Variants in PLAAT2 observed in about 807,000 individuals in gnomAD.
The protein encoded by PLAAT2 is phospholipase A and acyltransferase 2.
Under a neutral mutation model 12.8 loss-of-function variants are expected in PLAAT2, and 12 were observed. The ratio of observed to expected loss-of-function variants is 0.94; its 90% confidence interval spans 0.60 to 1.52. The LOEUF (loss-of-function observed/expected upper bound fraction) is 1.52. Among genes scored for constraint, PLAAT2 ranks in the 40% most tolerant of loss-of-function variants. The probability of loss-of-function intolerance (pLI) is 0.00; values close to 1 mark genes in which losing one functional copy is unlikely to be tolerated. For missense variants in PLAAT2, 166 were observed against 208.1 expected (o/e 0.80, Z 1.24); for synonymous variants, 79 against 86.8 (o/e 0.91, Z 0.50).
intron 3 of PLAAT2, among the ~76,000 whole-genome samples, chr11:63,553,479 A>C (rs2017436815): frequency 6.6e-6 from 1 of 151,090 alleles, no homozygotes; most frequent in Non-Finnish European, 1.5e-5. Flanking sequence ...CATCTCTACA[A>C]AAAAATACAA....
In PLAAT2 at chr11:63,560,151, G is replaced by A. The variant is rs114919859; in HGVS notation, c.52C>T (p.Arg18Cys). Residue 18 changes from arginine (R) to cysteine (C), a missense_variant, in exon 2 of 4, where the codon CGC becomes TGC. By Grantham distance (180) the Arg-to-Cys change is radical. Transcript: ENST00000255695. The part of the protein sequence containing the change: ...PRLGDLIEIS[R>C]FGYAHWAIYV... ...ATGGCCCAGTGTGCATAGCCAAAGC[G>A]AGAAATCTCAATCAGGTCTCCAAGT... The A allele has an allele frequency of 4.6e-4, 746 of 1,613,780 alleles. 4 individuals carry two copies. The African/African-American group carries it at 8.4e-3, about 18-fold the overall frequency.
At chr11:63,563,644 GTAGGCAGACC>G (rs2017538669), upstream of PLAAT2, among the ~76,000 whole-genome samples, 1 of 146,074 alleles carries the variant, frequency 6.8e-6, no homozygotes, top group Admixed American at 7.1e-5. Flanking sequence ...CGTCAACCCA[GTAGGCAGACC>G]TTGCAGCGAG....
chr11:63,562,153 A>G (rs1590671908), intron 1 of PLAAT2, among the ~76,000 whole-genome samples: 1 of 152,264 alleles, frequency 6.6e-6, no homozygotes, highest in East Asian at 1.9e-4. Flanking sequence ...ATTTGGAAGA[A>G]TACGCACCAG....
At chr11:63,554,343 G>A (rs756234980) in intron 3 of PLAAT2, among the ~76,000 whole-genome samples, 2 of 151,984 alleles carry the variant, frequency 1.3e-5, no homozygotes, top group South Asian at 2.1e-4. Flanking sequence ...AAGAACTCAC[G>A]CAAAGGCCGG....
chr11:63,563,063 A>G (rs1269076470), intron 1 of PLAAT2, among the ~76,000 whole-genome samples: 1 of 152,204 alleles, frequency 6.6e-6, no homozygotes, highest in African/African-American at 2.4e-5. Context: ...GGGCTTGGAA[A>G]AGCATAAACG....
In PLAAT2 at chr11:63,552,921, T is replaced by C. The variant is rs1379302544; in HGVS notation, c.*43A>G. On this transcript the variant is annotated 3_prime_UTR_variant, in exon 4 of 4. Coordinates refer to ENST00000255695, the MANE Select transcript of PLAAT2 (RefSeq NM_017878.2). ...CTCCACTCCTGCTGGCTAAATAATA[T>C]TCCTCCGTAAGAATTGGTGGTTGTT... 1 of 1,314,026 alleles carries C rather than the reference T, an allele frequency of 7.6e-7. No homozygotes were observed. Among genetic ancestry groups the C allele is most frequent in the African/African-American group, 1.4e-5 (1 of 69,268 alleles). The allele number at this position is 1,314,026 out of a possible 1,614,324, so 81.4% of individuals were successfully genotyped here.
At chr11:63,554,132 G>A (rs1441856825) in intron 3 of PLAAT2, among the ~76,000 whole-genome samples, 2 of 133,380 alleles carry the variant, frequency 1.5e-5, no homozygotes. Context: ...GTCTCTGAGA[G>A]ACTAGCACTG....
chr11:63,558,466 G>A lies in PLAAT2; in HGVS notation c.313C>T (p.Pro105Ser). 1 of 1,614,058 alleles carries A rather than the reference G, an allele frequency of 6.2e-7. No homozygotes were observed. The highest frequency in any genetic ancestry group is 2.2e-5 in the East Asian group (1 of 44,896). ...RAEELVGQEL[P>S]YSLTSDNCEH... ...CAGTTGTCACTGGTCAGCGAATAAG[G>A]CAACTCCTGCCCCACCAACTCCTCT... is the stretch of plus-strand genomic sequence containing the variant. The change falls in exon 3 of 4, where the codon CCT (proline) becomes TCT (serine). Residue 105 changes from proline (P) to serine (S), a missense_variant. Pro to Ser is a moderately conservative substitution (Grantham distance 74). Transcript: ENST00000255695.
upstream of PLAAT2, among the ~76,000 whole-genome samples, chr11:63,563,612 C>T (rs934047220): frequency 9.9e-5 from 3 of 30,252 alleles, no homozygotes; most frequent in Non-Finnish European, 1.4e-4. Flanking sequence ...CCAGCTACTC[C>T]AGAGGCCGAG....
chr11:63,563,261 T>G (rs2134376044), intron 1 of PLAAT2, 55 bp downstream of exon 1: 1 of 1,607,474 alleles, frequency 6.2e-7, no homozygotes, highest in East Asian at 2.2e-5. Context: ...TAATCATCAC[T>G]AATAGGGTGG....
rs138371784 is a variant in PLAAT2, at chr11:63,556,013, G to A, written c.387+2379C>T. On this transcript the variant is annotated intron_variant, in intron 3 of 3. Coordinates refer to ENST00000255695, the MANE Select transcript of PLAAT2 (RefSeq NM_017878.2). The stretch of plus-strand genomic sequence containing the variant: ...GAGCTTTCTTAGGCAGGCATTTATC[G>A]GGGGGCTAGGGTCATCCTACGGACA... Among the ~76,000 whole-genome samples, 1,019 of 152,290 alleles carry A rather than the reference G, an allele frequency of 6.7e-3. 4 individuals are homozygous for A. Among genetic ancestry groups the A allele is most frequent in the Middle Eastern group, 0.014 (4 of 294 alleles).
At chr11:63,560,441 T>C (rs953568079) in intron 1 of PLAAT2, among the ~76,000 whole-genome samples, 1 of 152,212 alleles carries the variant, frequency 6.6e-6, no homozygotes, top group Non-Finnish European at 1.5e-5. Context: ...GAGATTTTCA[T>C]GCATGTGCAG....
rs141472608 is a variant in PLAAT2 at position 63,556,188 on chromosome 11, CCAGA to C, written c.387+2200_387+2203del. On this transcript the variant is annotated intron_variant, in intron 3 of 3. Coordinates refer to ENST00000255695, the MANE Select transcript of PLAAT2 (RefSeq NM_017878.2). The stretch of plus-strand genomic sequence containing the variant: ...TAGAGACAGACAGAGGAGAGTCTTT[CCAGA>C]CAGACAGAGTCAGATGAGAAGGAAG... 8.9e-3 allele frequency among the ~76,000 whole-genome samples: 1,358 copies of C among 152,164 alleles called. 18 individuals are homozygous for C. Among genetic ancestry groups the C allele is most frequent in the African/African-American group, 0.031 (1,298 of 41,512 alleles).
chr11:63,562,182 G>C (rs558573383), intron 1 of PLAAT2, among the ~76,000 whole-genome samples: 3 of 152,332 alleles, frequency 2.0e-5, no homozygotes, highest in South Asian at 4.1e-4. Context: ...GAGGGGAAAG[G>C]CTGTACAGAT....
Position 63,560,209 on chromosome 11 carries a change from C to A in PLAAT2, c.10-16G>T. 1 of 1,595,344 alleles carries A rather than the reference C, an allele frequency of 6.3e-7. No homozygotes were observed. The highest frequency in any genetic ancestry group is 8.6e-7 in the Non-Finnish European group (1 of 1,164,084). ...TTGGTCTGGCCTGCAACAGAAAAACCAGAAACAGGCAGAGGTGAGCCATCT... is the reference window on the plus strand; with the variant it reads ...TTGGTCTGGCCTGCAACAGAAAAACAAGAAACAGGCAGAGGTGAGCCATCT... On this transcript the variant is annotated splice_polypyrimidine_tract_variant and intron_variant, in intron 1 of 3. Transcript: ENST00000255695.
chr11:63,561,644 CAAAAAAAAAAAAAAAA>C (rs61140464), intron 1 of PLAAT2, among the ~76,000 whole-genome samples: 24 of 36,000 alleles, frequency 6.7e-4, no homozygotes, highest in African/African-American at 2.3e-3. Flanking sequence ...GACTCCATCA[CAAAAAAAAAAAAAAAA>C]AAAAAAAAAA....
chr11:63,563,514 C>G (rs893393489), upstream of PLAAT2: 66 of 596,820 alleles, frequency 1.1e-4, no homozygotes, highest in Admixed American at 1.9e-3. Flanking sequence ...GTCAGGAGAT[C>G]GAGACCATCC....
Position 63,560,161 on chromosome 11 carries a change from A to T in PLAAT2, c.42T>A (p.Ile14=). Reference sequence around the variant, plus strand: ...GTGCATAGCCAAAGCGAGAAATCTCAATCAGGTCTCCAAGTCTCGGTCTTG... The same window carrying T: ...GTGCATAGCCAAAGCGAGAAATCTCTATCAGGTCTCCAAGTCTCGGTCTTG... ...ARPRPRLGDL[I]EISRFGYAHW... Residue 14 remains isoleucine, a synonymous_variant, in exon 2 of 4, where the codon ATT becomes ATA. Coordinates refer to ENST00000255695, the MANE Select transcript of PLAAT2 (RefSeq NM_017878.2). 6.2e-7 allele frequency: 1 copy of T among 1,613,664 alleles called. No individual in the cohort carries two copies. Among genetic ancestry groups the T allele is most frequent in the Non-Finnish European group, 8.5e-7 (1 of 1,179,740 alleles).
chr11:63,552,826 T>C lies in PLAAT2; in HGVS notation c.*138A>G, dbSNP rs1252659457. On this transcript the variant is annotated 3_prime_UTR_variant, in exon 4 of 4. Coordinates refer to ENST00000255695, the MANE Select transcript of PLAAT2 (RefSeq NM_017878.2). ...ATACTAAGCTGCATTTCCAAATACA[T>C]TTTCCTGTGCTTTTAACTCCATTAA... 1.6e-6 allele frequency: 1 copy of C among 626,522 alleles called. No homozygotes were observed. The highest frequency in any genetic ancestry group is 2.9e-6 in the Non-Finnish European group (1 of 350,150). 38.8% of individuals were successfully genotyped at this position (626,522 alleles called of 1,614,324 possible). A position where few individuals can be genotyped will look rare whatever the true frequency, so the allele number is the denominator to read the frequency against.
Sources: allele counts gnomAD v4.1 joint callset (sites outside exome capture counted in the v4.1 genomes callset), GRCh38; gene constraint gnomAD v4.1.1; transcripts MANE v1.5; gene names NCBI Gene and HGNC (gene_info 2026-07-23, HGNC 2026-07-21).